ZNF529: variants seen among roughly 807,000 people sequenced by gnomAD.
ZNF529 encodes zinc finger protein 529.
ZNF529 carries 11 observed loss-of-function variants against 10.1 expected under a neutral mutation model. The observed-to-expected ratio is 1.09, with a 90% CI of 0.69 to 1.81. The LOEUF (loss-of-function observed/expected upper bound fraction) is 1.81, where lower values mean the gene tolerates loss of function less well. Among genes scored for constraint, ZNF529 ranks in the 40% most tolerant of loss-of-function variants. The probability of loss-of-function intolerance (pLI) is 0.00; values close to 1 mark genes in which losing one functional copy is unlikely to be tolerated. For missense variants in ZNF529, 624 were observed against 666.8 expected, an observed-to-expected ratio of 0.94 and a Z score of 0.71; for synonymous variants, 204 against 215.7, an observed-to-expected ratio of 0.95 and a Z score of 0.47.
chr19:36,547,854 G>T lies in ZNF529; in HGVS notation c.704C>A (p.Thr235Lys). Reference protein sequence around the residue: ...KPCKYMEYGNTCSFYKDFNVY... With the variant: ...KPCKYMEYGNKCSFYKDFNVY... ...ATTAAAGTCTTTATAAAAACTACAT[G>T]TATTCCCATATTCCATATATTTACA... The change falls in exon 5 of 5, where the codon ACA becomes AAA. Residue 235 changes from threonine (T) to lysine (K), a missense_variant. Physicochemically the swap from Thr to Lys is moderately conservative, Grantham distance 78. Coordinates refer to ENST00000591340, the MANE Select transcript of ZNF529 (RefSeq NM_020951.5). The T allele has an allele frequency of 6.2e-7, 1 of 1,610,522 alleles. No homozygotes were observed.
chr19:36,577,522 C>T (rs2036355738), upstream of ZNF529: 1 of 156,048 alleles, frequency 6.4e-6, no homozygotes, highest in African/African-American at 2.4e-5. Context: ...ACAGAGTCAC[C>T]CAGGCTGGAA....
rs761966616 is a variant in ZNF529 at position 36,547,256 on chromosome 19, A to G, written c.1302T>C (p.Gly434=). The change falls in exon 5 of 5, where the codon GGT becomes GGC. Residue 434 remains glycine (G), a synonymous_variant. Coordinates refer to ENST00000591340, the MANE Select transcript of ZNF529 (RefSeq NM_020951.5). ...CKECEKAFGV[G]SELTRHERIH... is the part of the protein sequence containing the mutation. ...TTCTTTCATGTCGAGTAAGTTCACTACCTACTCCAAATGCTTTCTCACATT... is the reference window on the plus strand; with the variant it reads ...TTCTTTCATGTCGAGTAAGTTCACTGCCTACTCCAAATGCTTTCTCACATT... The G allele has an allele frequency of 1.2e-6, 2 of 1,613,746 alleles. No individual in the cohort carries two copies. Among genetic ancestry groups the G allele is most frequent in the South Asian group, 1.1e-5 (1 of 91,066 alleles).
At chr19:36,605,241 A>G (rs1183653445) in exon 1 of ZNF529, 1 of 152,172 alleles carries the variant, frequency 6.6e-6, no homozygotes, top group Non-Finnish European at 1.5e-5. Flanking sequence ...GCCGGCAGCT[A>G]GCACCGCGCG....
intron 4 of ZNF529, among the ~76,000 whole-genome samples, chr19:36,551,440 A>T (rs2035254100): frequency 6.6e-6 from 1 of 152,210 alleles, no homozygotes. Context: ...ACAGCTGGAC[A>T]TCAAAAATCA....
chr19:36,602,069 A>G (rs1204781168), intron 1 of ZNF529, among the ~76,000 whole-genome samples: 4 of 121,926 alleles, frequency 3.3e-5, no homozygotes, highest in Non-Finnish European at 6.8e-5. Context: ...TTTTTTTTTA[A>G]GATGGATTCT....
At chr19:36,568,946 C>T (rs925080000) in intron 2 of ZNF529, among the ~76,000 whole-genome samples, 1 of 152,146 alleles carries the variant, frequency 6.6e-6, no homozygotes, top group African/African-American at 2.4e-5. Context: ...TTTTAATTGC[C>T]TGGACACCTG....
intron 2 of ZNF529, among the ~76,000 whole-genome samples, chr19:36,556,719 C>T (rs2035489087): frequency 6.6e-6 from 1 of 152,154 alleles, no homozygotes; most frequent in Non-Finnish European, 1.5e-5. Context: ...GCACTCAGCT[C>T]CTAAAGCAGG....
At chr19:36,566,957 A>T (rs761281389) in intron 2 of ZNF529, among the ~76,000 whole-genome samples, 7 of 151,834 alleles carry the variant, frequency 4.6e-5, no homozygotes, top group Non-Finnish European at 8.8e-5. Context: ...CAGAGGTTGC[A>T]GTGAGCCGAG....
rs1285756424 is a variant in ZNF529, at chr19:36,550,098, A to G, written c.236-1776T>C. Among the ~76,000 whole-genome samples the G allele has an allele frequency of 1.3e-5, 2 of 152,226 alleles. 1 individual carries two copies. The highest frequency in any genetic ancestry group is 2.9e-5 in the Non-Finnish European group (2 of 68,048). ...GGAAAACTCAGAGCAACACATAAAC[A>G]CTGCATGATAAAGGGCAAGAATAAT... is the stretch of plus-strand genomic sequence containing the variant. On this transcript the variant is annotated intron_variant, in intron 4 of 4. Transcript: ENST00000591340.
chr19:36,579,952 C>T (rs769328649), intron 2 of ZNF529, among the ~76,000 whole-genome samples: 2 of 152,080 alleles, frequency 1.3e-5, no homozygotes, highest in African/African-American at 2.4e-5. Context: ...TCACTTAAAA[C>T]GCAAACACAT....
chr19:36,549,788 T>C (rs567932674), intron 4 of ZNF529, among the ~76,000 whole-genome samples: 1 of 152,386 alleles, frequency 6.6e-6, no homozygotes, highest in East Asian at 1.9e-4. Context: ...ATTTTTTCTT[T>C]TATCTTCTTT....
rs371791624 is a variant in ZNF529, at chr19:36,556,944, G to A, written c.15-747C>T. Among the ~76,000 whole-genome samples the A allele has an allele frequency of 6.6e-5, 10 of 152,190 alleles. No individual in the cohort carries two copies. In the East Asian group the frequency reaches 9.6e-4, roughly 15 times the overall value. On this transcript the variant is annotated intron_variant, in intron 2 of 4. Coordinates refer to ENST00000591340, the MANE Select transcript of ZNF529 (RefSeq NM_020951.5). ...TTTTGGTGAAGGGCAATTGAGAGGA[G>A]GTTGATTAGAGATGTATATTATACT...
intron 2 of ZNF529, among the ~76,000 whole-genome samples, chr19:36,562,634 G>T (rs2035747504): frequency 6.6e-6 from 1 of 151,890 alleles, no homozygotes; most frequent in African/African-American, 2.4e-5. Flanking sequence ...AGGAAATCGA[G>T]ACCATCCTGG....
Position 36,595,051 on chromosome 19 carries a change from G to A in ZNF529, c.-127-5350C>T, listed in dbSNP as rs147389752. Reference sequence around the variant, plus strand: ...GCACCACCATGCCTGGCTGATTTTTGTATTTTTAATAGAGACGGGGTTTCA... The same window carrying A: ...GCACCACCATGCCTGGCTGATTTTTATATTTTTAATAGAGACGGGGTTTCA... On this transcript the variant is annotated intron_variant, in intron 1 of 4. Coordinates refer to the ZNF529 transcript ENST00000585960. 2.3e-3 allele frequency among the ~76,000 whole-genome samples: 346 copies of A among 151,958 alleles called. 1 individual carries two copies. Among genetic ancestry groups the A allele is most frequent in the African/African-American group, 7.9e-3 (326 of 41,476 alleles).
intron 2 of ZNF529, among the ~76,000 whole-genome samples, chr19:36,587,974 C>T (rs1004750176): frequency 1.3e-5 from 2 of 152,072 alleles, no homozygotes; most frequent in Non-Finnish European, 2.9e-5. Flanking sequence ...ATGGTGAAAC[C>T]CTTTCTTTAC....
intron 2 of ZNF529, among the ~76,000 whole-genome samples, chr19:36,583,350 C>A (rs1444216009): frequency 6.6e-6 from 1 of 152,038 alleles, no homozygotes; most frequent in East Asian, 1.9e-4. Context: ...TGCCATGACA[C>A]CTGGCCTAAA....
At chr19:36,574,872 T>C (rs1488265113), upstream of ZNF529, 2 of 471,176 alleles carry the variant, frequency 4.2e-6, no homozygotes, top group African/African-American at 2.0e-5. Context: ...CCTGGGCAAA[T>C]ATTTAGAAGA....
At chr19:36,572,848 A>G (rs2145209695) in intron 1 of ZNF529, among the ~76,000 whole-genome samples, 1 of 152,196 alleles carries the variant, frequency 6.6e-6, no homozygotes, top group East Asian at 1.9e-4. Context: ...CACAGACATC[A>G]CAGAGTCGGA....
chr19:36,578,406 C>T (rs1297189145), intron 2 of ZNF529, among the ~76,000 whole-genome samples: 2 of 134,894 alleles, frequency 1.5e-5, no homozygotes, highest in African/African-American at 5.6e-5. Flanking sequence ...CCCGGGTTCA[C>T]GCTATTCTCC....
Sources: allele counts gnomAD v4.1 joint callset (sites outside exome capture counted in the v4.1 genomes callset), GRCh38; gene constraint gnomAD v4.1.1; transcripts MANE v1.5; gene names NCBI Gene and HGNC (gene_info 2026-07-23, HGNC 2026-07-21).